Variants in DPP6 observed in about 807,000 individuals in gnomAD.
DPP6 encodes the protein dipeptidyl peptidase like 6.
In DPP6, 69 loss-of-function variants were observed where a neutral mutation model predicts 122.6. The ratio of observed to expected loss-of-function variants is 0.56; its 90% CI spans 0.46 to 0.69. The LOEUF (loss-of-function observed/expected upper bound fraction) is 0.69, where lower values mean the gene tolerates loss of function less well. Among genes scored for constraint, DPP6 ranks in the 30% least tolerant of loss-of-function variants. The probability of loss-of-function intolerance (pLI) is 0.00; values close to 1 mark genes in which losing one functional copy is unlikely to be tolerated. For missense variants in DPP6, 928 were observed against 1,116.9 expected, an observed-to-expected ratio of 0.83 and a Z score of 2.41; for synonymous variants, 418 against 433.1, an observed-to-expected ratio of 0.97 and a Z score of 0.43.
intron 1 of DPP6, among the ~76,000 whole-genome samples, chr7:154,312,144 A>G (rs1414277315): frequency 6.6e-6 from 1 of 152,180 alleles, no homozygotes; most frequent in Non-Finnish European, 1.5e-5. Flanking sequence ...GTATCTGTTC[A>G]TTCTGTGTTC....
chr7:154,640,917 C>A (rs1394693886), intron 6 of DPP6, among the ~76,000 whole-genome samples: 1 of 152,152 alleles, frequency 6.6e-6, no homozygotes, highest in Non-Finnish European at 1.5e-5. Context: ...AAGCCAGAGG[C>A]CGTGCAATCT....
intron 5 of DPP6, among the ~76,000 whole-genome samples, chr7:154,568,198 T>C (rs970187170): frequency 6.6e-6 from 1 of 152,256 alleles, no homozygotes; most frequent in East Asian, 1.9e-4. Flanking sequence ...TCACGGGTCA[T>C]AGACCATTTC....
intron 1 of DPP6, among the ~76,000 whole-genome samples, chr7:153,949,310 C>A (rs1054660892): frequency 6.6e-6 from 1 of 152,226 alleles, no homozygotes; most frequent in Non-Finnish European, 1.5e-5. Flanking sequence ...GGCCCCTTGT[C>A]CCTGAAGCTT....
chr7:154,723,891 A>G (rs558401778), intron 7 of DPP6, among the ~76,000 whole-genome samples: 3 of 152,314 alleles, frequency 2.0e-5, no homozygotes, highest in Non-Finnish European at 4.4e-5. Context: ...TCTGGGCTGC[A>G]TCAGTTTGTG....
At chr7:154,746,779 C>G (rs2131435188) in intron 8 of DPP6, among the ~76,000 whole-genome samples, 1 of 152,286 alleles carries the variant, frequency 6.6e-6, no homozygotes, top group South Asian at 2.1e-4. Flanking sequence ...TTCACAAAAA[C>G]AAACAGAAGA....
chr7:154,515,576 A>G (rs1826421894), intron 3 of DPP6, among the ~76,000 whole-genome samples: 3 of 151,808 alleles, frequency 2.0e-5, no homozygotes, highest in African/African-American at 7.3e-5. Context: ...CCTGGGTTCA[A>G]GCACTTCTCC....
intron 16 of DPP6, among the ~76,000 whole-genome samples, chr7:154,809,226 G>A (rs1041292529): frequency 1.5e-4 from 23 of 151,952 alleles, no homozygotes; most frequent in African/African-American, 5.6e-4. Context: ...TCTTCAATTT[G>A]TGGAGCAAAT....
At chr7:154,672,141 T>C (rs1838606940) in intron 7 of DPP6, among the ~76,000 whole-genome samples, 1 of 152,178 alleles carries the variant, frequency 6.6e-6, no homozygotes, top group South Asian at 2.1e-4. Context: ...TCACGAGATC[T>C]GATGGTTTCC....
At chr7:154,365,947 G>A (rs1015571592) in intron 1 of DPP6, among the ~76,000 whole-genome samples, 6 of 122,048 alleles carry the variant, frequency 4.9e-5, no homozygotes, top group Admixed American at 3.9e-4. Flanking sequence ...GACAGAGCGA[G>A]ACTCCGTCTC....
exon 1 of DPP6, chr7:153,887,128 GCA>G (rs950308367): frequency 4.6e-5 from 7 of 152,582 alleles, no homozygotes; most frequent in African/African-American, 7.2e-5. Context: ...GCGCGCGCGC[GCA>G]CACACACACG....
Position 154,644,224 on chromosome 7 carries a change from A to G in DPP6, c.680+6351A>G, listed in dbSNP as rs1836300736. Among the ~76,000 whole-genome samples, 3 of 152,214 alleles carry G rather than the reference A, an allele frequency of 2.0e-5. No individual in the cohort carries two copies. The South Asian group carries it at 6.2e-4, about 32-fold the overall frequency. ...GTATAGCATACACTGAAGAAAAAGG[A>G]AGATCAAAATTCTGGATTCAATTAG... is the stretch of plus-strand genomic sequence containing the variant. On this transcript the variant is annotated intron_variant, in intron 6 of 25. Coordinates refer to ENST00000377770, the MANE Select transcript of DPP6 (RefSeq NM_130797.4).
intron 1 of DPP6, among the ~76,000 whole-genome samples, chr7:154,259,796 G>A (rs964380614): frequency 6.6e-6 from 1 of 152,162 alleles, no homozygotes; most frequent in African/African-American, 2.4e-5. Context: ...TTGAGTTTCT[G>A]TTGTATGCCA....
At position 154,624,545 on chromosome 7, in the gene DPP6, A is replaced by G. The variant is rs993064030; in HGVS notation, c.628-13276A>G. The stretch of plus-strand genomic sequence containing the variant: ...TACTTAGGAGCACAGTGGGAGGGTG[A>G]GATGTCAGGGCTCAGCATCTGCTTC... On this transcript the variant is annotated intron_variant, in intron 5 of 25. Transcript: ENST00000377770. The surrounding 1 kb of genome is among the most constrained non-coding windows in gnomAD (Gnocchi z 4.7). 1.3e-5 allele frequency among the ~76,000 whole-genome samples: 2 copies of G among 152,150 alleles called. No homozygotes were observed. Among genetic ancestry groups the G allele is most frequent in the African/African-American group, 2.4e-5 (1 of 41,424 alleles).
chr7:154,653,725 C>T (rs1275732392), intron 6 of DPP6, among the ~76,000 whole-genome samples: 1 of 152,140 alleles, frequency 6.6e-6, no homozygotes, highest in Non-Finnish European at 1.5e-5. Flanking sequence ...ATTCCACCCC[C>T]ACCTCCAAAT....
the DPP6 span, among the ~76,000 whole-genome samples, chr7:153,854,427 G>A: frequency 3.1e-3 from 464 of 151,332 alleles, 5 homozygotes; most frequent in African/African-American, 0.011. Flanking sequence ...AGTGGGCGAA[G>A]GACATGAACA....
chr7:153,894,294 A>G (rs1252296112), intron 1 of DPP6, among the ~76,000 whole-genome samples: 3 of 152,230 alleles, frequency 2.0e-5, no homozygotes, highest in African/African-American at 7.2e-5. Flanking sequence ...ATTCAGCAAC[A>G]TAGAAGAATT....
chr7:154,566,903 A>G lies in DPP6; in HGVS notation c.614A>G (p.Tyr205Cys), dbSNP rs1031557434. 1.9e-6 allele frequency: 3 copies of G among 1,605,698 alleles called. No individual in the cohort carries two copies. Among genetic ancestry groups the G allele is most frequent in the Non-Finnish European group, 8.5e-7 (1 of 1,173,706 alleles). Residue 205 changes from tyrosine (Y) to cysteine (C), a missense_variant, in exon 5 of 26, where the codon TAC becomes TGC. Tyr to Cys is a radical substitution (Grantham distance 194, BLOSUM62 -2). Coordinates refer to ENST00000377770, the MANE Select transcript of DPP6 (RefSeq NM_130797.4). The stretch of plus-strand genomic sequence containing the variant: ...GATAGAGAGTATGCACTTTTTTCAT[A>G]CAATGTGGAACCCGTGAGTATTATC... ...SPDREYALFS[Y>C]NVEPIYQHSY...
At chr7:154,030,667 C>A (rs1413706380) in intron 1 of DPP6, among the ~76,000 whole-genome samples, 1 of 152,176 alleles carries the variant, frequency 6.6e-6, no homozygotes, top group East Asian at 1.9e-4. Flanking sequence ...CCTTTCCCAG[C>A]TTCCCCATTG....
chr7:154,340,408 C>T (rs6962098), intron 1 of DPP6, among the ~76,000 whole-genome samples: 27,227 of 152,118 alleles, frequency 0.18, 4,689 homozygotes, highest in African/African-American at 0.45. Context: ...TGGTTCTTTG[C>T]TTCCTCTCCA....
Sources: gnomAD v4.1 joint callset for allele counts (sites outside exome capture counted in the v4.1 genomes callset) on GRCh38, gnomAD v4.1.1 for gene constraint, Gnocchi (gnomAD v3.1) non-coding constraint, MANE v1.5 for transcripts, NCBI Gene and HGNC (gene_info 2026-07-23, HGNC 2026-07-21) for gene names.